Variants in PAPPA2 observed in about 807,000 individuals in gnomAD.
PAPPA2 encodes pappalysin 2, also known as pappalysin-2.
In PAPPA2, 86 loss-of-function variants were observed where a neutral mutation model predicts 176.4. The ratio of observed to expected loss-of-function variants is 0.49; its 90% CI spans 0.41 to 0.58. The LOEUF is 0.58. PAPPA2 is among the 20% of genes least tolerant of loss of function. The pLI is 0.00. For missense variants in PAPPA2, 2,073 were observed against 2,256.9 expected (o/e 0.92, Z 1.65); for synonymous variants, 809 against 852.2 (o/e 0.95, Z 0.88).
At chr1:176,567,527 G>C (rs1304247765) in intron 2 of PAPPA2, among the ~76,000 whole-genome samples, 1 of 152,158 alleles carries the variant, frequency 6.6e-6, no homozygotes, top group Non-Finnish European at 1.5e-5. Context: ...GGTTATAAAA[G>C]TAGTTTAGTT....
chr1:176,494,234 A>C (rs1647472861), intron 1 of PAPPA2, among the ~76,000 whole-genome samples: 1 of 152,108 alleles, frequency 6.6e-6, no homozygotes. Context: ...TAAGACCCAG[A>C]CTAGAAATCA....
chr1:176,549,853 T>A (rs1169854584), intron 1 of PAPPA2, among the ~76,000 whole-genome samples: 1 of 152,184 alleles, frequency 6.6e-6, no homozygotes, highest in East Asian at 1.9e-4. Flanking sequence ...CCCCACAACA[T>A]TTACTGAGGC....
chr1:176,607,094 A>G (rs988619382), intron 3 of PAPPA2, among the ~76,000 whole-genome samples: 5 of 151,940 alleles, frequency 3.3e-5, no homozygotes, highest in Admixed American at 1.3e-4. Flanking sequence ...GATACCTAAC[A>G]TTTTATGTAT....
intron 1 of PAPPA2, among the ~76,000 whole-genome samples, chr1:176,513,886 C>G (rs1648755911): frequency 6.6e-6 from 1 of 152,150 alleles, no homozygotes; most frequent in Non-Finnish European, 1.5e-5. Context: ...CTGAAGCGAG[C>G]ATGCTGTCCG....
intron 1 of PAPPA2, among the ~76,000 whole-genome samples, chr1:176,505,871 A>C (rs115835832): frequency 6.6e-6 from 1 of 152,106 alleles, no homozygotes; most frequent in Admixed American, 6.6e-5. Flanking sequence ...TTGAACATGC[A>C]TGCAAAGGAA....
chr1:176,651,877 C>T (rs940452911), intron 3 of PAPPA2, among the ~76,000 whole-genome samples: 1 of 151,334 alleles, frequency 6.6e-6, no homozygotes, highest in Non-Finnish European at 1.5e-5. Context: ...AGTAATCTGT[C>T]TTTGAGCTCA....
At chr1:176,681,878 G>A (rs1659601309) in intron 4 of PAPPA2, among the ~76,000 whole-genome samples, 1 of 152,140 alleles carries the variant, frequency 6.6e-6, no homozygotes, top group Non-Finnish European at 1.5e-5. Context: ...GGGGAGGTGA[G>A]CGGTCTGTGA....
At chr1:176,562,757 C>A (rs1476956531) in intron 2 of PAPPA2, among the ~76,000 whole-genome samples, 1 of 152,188 alleles carries the variant, frequency 6.6e-6, no homozygotes, top group African/African-American at 2.4e-5. Flanking sequence ...CAGGGCATAG[C>A]CCCTGATGGT....
chr1:176,552,009 C>T (rs889520242), intron 1 of PAPPA2, among the ~76,000 whole-genome samples: 1 of 152,148 alleles, frequency 6.6e-6, no homozygotes, highest in Admixed American at 6.5e-5. Context: ...AAAACGTGTC[C>T]AGTCACTAAG....
chr1:176,720,712 A>G (rs1416254882), intron 12 of PAPPA2, among the ~76,000 whole-genome samples: 1 of 152,066 alleles, frequency 6.6e-6, no homozygotes. Flanking sequence ...TGGTTCACAC[A>G]ATTAAGTCTC....
intron 21 of PAPPA2, among the ~76,000 whole-genome samples, chr1:176,811,942 A>G (rs1434123238): frequency 6.6e-6 from 1 of 152,136 alleles, no homozygotes; most frequent in Non-Finnish European, 1.5e-5. Flanking sequence ...TTAAAAAAGT[A>G]AAACATTAAA....
intron 20 of PAPPA2, among the ~76,000 whole-genome samples, chr1:176,795,130 C>G (rs144854649): frequency 6.6e-6 from 1 of 152,248 alleles, no homozygotes; most frequent in Admixed American, 6.5e-5. Flanking sequence ...CTGCACCCAG[C>G]AAGTGGGAGA....
At chr1:176,564,477 G>C (rs1056299800) in intron 2 of PAPPA2, among the ~76,000 whole-genome samples, 1 of 152,170 alleles carries the variant, frequency 6.6e-6, no homozygotes, top group Non-Finnish European at 1.5e-5. Context: ...GAGGTGGCAG[G>C]CTAGATTTTT....
intron 21 of PAPPA2, among the ~76,000 whole-genome samples, chr1:176,823,413 T>C (rs1308594809): frequency 6.6e-6 from 1 of 152,210 alleles, no homozygotes; most frequent in Non-Finnish European, 1.5e-5. Context: ...ATTAGATCTC[T>C]GGTATGCCAA....
chr1:176,570,261 C>CT (rs1388732709), intron 2 of PAPPA2, among the ~76,000 whole-genome samples: 2 of 152,182 alleles, frequency 1.3e-5, no homozygotes, highest in African/African-American at 2.4e-5. Flanking sequence ...TTCTCCGGCC[C>CT]TTTGAAAATC....
intron 3 of PAPPA2, among the ~76,000 whole-genome samples, chr1:176,639,960 G>A (rs1656972669): frequency 6.6e-6 from 1 of 151,048 alleles, no homozygotes; most frequent in Non-Finnish European, 1.5e-5. Context: ...ATATGATCGT[G>A]ATTATTTTTC....
chr1:176,559,637 A>G (rs1236055150), intron 2 of PAPPA2, among the ~76,000 whole-genome samples: 1 of 152,182 alleles, frequency 6.6e-6, no homozygotes, highest in Non-Finnish European at 1.5e-5. Flanking sequence ...TTCTCTTACC[A>G]TACAGCACTC....
intron 14 of PAPPA2, among the ~76,000 whole-genome samples, chr1:176,764,105 T>C (rs1663821146): frequency 6.6e-6 from 1 of 152,106 alleles, no homozygotes; most frequent in African/African-American, 2.4e-5. Flanking sequence ...TGAGAACTAA[T>C]TCAGTCACTA....
chr1:176,690,875 G>A (rs577501530), intron 5 of PAPPA2: 1 of 984,276 alleles, frequency 1.0e-6, no homozygotes, highest in South Asian at 4.7e-5. Context: ...AGGTGGCTTG[G>A]TTAATTTAGG....
Sources: gnomAD v4.1 joint callset for allele counts (sites outside exome capture counted in the v4.1 genomes callset) on GRCh38, gnomAD v4.1.1 for gene constraint, MANE v1.5 for transcripts, NCBI Gene and HGNC (gene_info 2026-07-23, HGNC 2026-07-21) for gene names.